The following C1orf141 variants were observed in gnomAD, a reference collection of about 807,000 sequenced individuals.
C1orf141 encodes uncharacterized protein C1orf141.
C1orf141 carries 19 observed loss-of-function variants against 23.2 expected under a neutral mutation model. The observed-to-expected ratio is 0.82, with a 90% confidence interval of 0.57 to 1.20. C1orf141 has a LOEUF of 1.20. Ranked by LOEUF, C1orf141 falls within the 50% of genes most tolerant of loss-of-function variation. The pLI is 0.00. For synonymous variants in C1orf141, 153 were observed against 154.6 expected, an observed-to-expected ratio of 0.99 and a Z score of 0.08; for missense variants, 469 against 455.1, an observed-to-expected ratio of 1.03 and a Z score of -0.28.
chr1:67,119,070 T>C (rs577016889), intron 4 of C1orf141, among the ~76,000 whole-genome samples: 2 of 152,198 alleles, frequency 1.3e-5, no homozygotes, highest in East Asian at 3.9e-4. Context: ...GCTGGAAGAG[T>C]TTGGAAGTGC....
chr1:67,139,376 G>A (rs1646613394), upstream of C1orf141, among the ~76,000 whole-genome samples: 1 of 152,174 alleles, frequency 6.6e-6, no homozygotes, highest in Non-Finnish European at 1.5e-5. Context: ...GCAGGTACAT[G>A]AAACGTTCAT....
intron 5 of C1orf141, among the ~76,000 whole-genome samples, chr1:67,100,240 A>C (rs1447719950): frequency 2.0e-5 from 3 of 152,006 alleles, no homozygotes; most frequent in African/African-American, 7.2e-5. Context: ...AGTGTTGGAT[A>C]CCTGTTTTCT....
intron 5 of C1orf141, among the ~76,000 whole-genome samples, chr1:67,113,332 C>T (rs1646119445): frequency 6.6e-6 from 1 of 151,996 alleles, no homozygotes; most frequent in Non-Finnish European, 1.5e-5. Context: ...GCTGAATACA[C>T]ACACAAGGTT....
At chr1:67,136,784 C>A (rs896164241), upstream of C1orf141, among the ~76,000 whole-genome samples, 14 of 152,068 alleles carry the variant, frequency 9.2e-5, no homozygotes, top group Admixed American at 3.3e-4. Context: ...ATTTGCCCAG[C>A]ATCTTATAAT....
At chr1:67,112,319 A>G (rs1646090918) in intron 5 of C1orf141, among the ~76,000 whole-genome samples, 1 of 152,208 alleles carries the variant, frequency 6.6e-6, no homozygotes, top group African/African-American at 2.4e-5. Context: ...GATCAACTAT[A>G]TGCCAGACAC....
chr1:67,128,996 T>C (rs1327218997), intron 2 of C1orf141, among the ~76,000 whole-genome samples: 1 of 152,144 alleles, frequency 6.6e-6, no homozygotes, highest in East Asian at 1.9e-4. Context: ...TATTTTGTAA[T>C]TGGTTTCCTT....
At position 67,109,636 on chromosome 1, in the gene C1orf141, C is replaced by T. The variant is rs530302586; in HGVS notation, c.346+5716G>A. On this transcript the variant is annotated intron_variant, in intron 5 of 7. Transcript: ENST00000684719. ...CATGAATCAAACTGCTGGGTTCTTC[C>T]TGGTTCTGTCATATACTATTTGATC... Among the ~76,000 whole-genome samples the T allele has an allele frequency of 6.4e-4, 98 of 152,264 alleles. 1 individual carries two copies. Among genetic ancestry groups the T allele is most frequent in the African/African-American group, 2.2e-3 (92 of 41,556 alleles).
chr1:67,125,978 T>C, intron 3 of C1orf141, 69 bp from the exon 4 acceptor site: 5 of 1,417,082 alleles, frequency 3.5e-6, no homozygotes, highest in Non-Finnish European at 4.6e-6. Flanking sequence ...AAATCTTAGG[T>C]GGAAAGAAAA....
At chr1:67,121,817 C>G (rs911944081) in intron 4 of C1orf141, 14 of 152,236 alleles carry the variant, frequency 9.2e-5, no homozygotes, top group African/African-American at 3.4e-4. Flanking sequence ...AGGAGTTGTG[C>G]TAGAAGAAGG....
intron 5 of C1orf141, among the ~76,000 whole-genome samples, chr1:67,100,157 G>A (rs777282444): frequency 4.6e-5 from 7 of 151,956 alleles, no homozygotes; most frequent in African/African-American, 9.7e-5. Flanking sequence ...TTCTCAGATC[G>A]TTTTCCCCTG....
rs796387333 is a variant in C1orf141 at position 67,141,420 on chromosome 1, TA to T, written c.-103-10194del. The stretch of plus-strand genomic sequence containing the variant: ...GAGACTGGAAAAGTCAAAAGCCTCT[TA>T]AAAAAAAAAAAGTTTGAAATTTCTT... On this transcript the variant is annotated intron_variant, in intron 1 of 7. Transcript: ENST00000371007. Among the ~76,000 whole-genome samples the T allele has an allele frequency of 7.6e-3, 1,096 of 144,894 alleles. 9 individuals carry two copies. Among genetic ancestry groups the T allele is most frequent in the African/African-American group, 0.022 (884 of 39,684 alleles).
In C1orf141 at chr1:67,093,025, C is replaced by A. The variant is rs868495930; in HGVS notation, c.1183G>T (p.Glu395Ter). Residue 395 changes from glutamate to a stop codon, truncating the protein, a stop_gained, in exon 8 of 8, where the codon GAA (glutamate) becomes TAA (stop). Transcript: ENST00000684719. LOFTEE classifies it high-confidence loss of function. ...ATATTTTATGAGGCATTTAAAATTT[C>A]ATTTGATAAGTTTAACAAATTATCC... ...PLDNLLNLSN[E>*]ILNAS 6.3e-7 allele frequency: 1 copy of A among 1,580,818 alleles called. No homozygotes were observed. Among genetic ancestry groups the A allele is most frequent in the African/African-American group, 1.4e-5 (1 of 74,008 alleles).
At chr1:67,102,239 A>C (rs778188199) in intron 5 of C1orf141, among the ~76,000 whole-genome samples, 3 of 152,096 alleles carry the variant, frequency 2.0e-5, no homozygotes, top group Non-Finnish European at 4.4e-5. Flanking sequence ...CAGAAATACT[A>C]CAATCAAATT....
intron 5 of C1orf141, among the ~76,000 whole-genome samples, chr1:67,114,616 C>T (rs1345125780): frequency 1.3e-5 from 2 of 152,160 alleles, no homozygotes; most frequent in Non-Finnish European, 2.9e-5. Context: ...ACGAAGGCAA[C>T]ACGAAAAGCT....
chr1:67,130,609 T>C (rs1646498925), intron 2 of C1orf141, among the ~76,000 whole-genome samples: 1 of 152,230 alleles, frequency 6.6e-6, no homozygotes. Context: ...AAATAATTTT[T>C]ATGTTTTTGC....
At chr1:67,113,754 T>A (rs757709842) in intron 5 of C1orf141, 2 of 1,236,146 alleles carry the variant, frequency 1.6e-6, no homozygotes, top group South Asian at 1.3e-5. Context: ...TTTTAAAAGA[T>A]CACTATATGA....
chr1:67,101,605 T>C (rs1645801737), intron 5 of C1orf141, among the ~76,000 whole-genome samples: 1 of 152,074 alleles, frequency 6.6e-6, no homozygotes, highest in African/African-American at 2.4e-5. Context: ...GAAGATTCTT[T>C]CAAACTGCTT....
At chr1:67,136,553 A>C (rs1646587173), upstream of C1orf141, among the ~76,000 whole-genome samples, 1 of 152,214 alleles carries the variant, frequency 6.6e-6, no homozygotes, top group Non-Finnish European at 1.5e-5. Flanking sequence ...TCAGTCAATA[A>C]AATTTGTAAA....
At chr1:67,110,719 C>T (rs10789223) in intron 5 of C1orf141, among the ~76,000 whole-genome samples, 97,103 of 151,472 alleles carry the variant, frequency 0.64, 31,592 homozygotes, top group East Asian at 0.79. Flanking sequence ...CTGATTGTGA[C>T]GTTATGTTGT....
Sources: gnomAD v4.1 joint callset for allele counts (sites outside exome capture counted in the v4.1 genomes callset) on GRCh38, gnomAD v4.1.1 for gene constraint, MANE v1.5 for transcripts, NCBI Gene and HGNC (gene_info 2026-07-23, HGNC 2026-07-21) for gene names.